Variants in THSD7B observed in about 807,000 individuals in gnomAD.
THSD7B encodes thrombospondin type-1 domain-containing protein 7B.
A neutral mutation model predicts 213.6 loss-of-function variants in THSD7B; 138 were observed. The ratio of observed to expected loss-of-function variants is 0.65; its 90% CI spans 0.56 to 0.74. The LOEUF (loss-of-function observed/expected upper bound fraction) is 0.74. Among genes scored for constraint, THSD7B ranks in the 30% least tolerant of loss-of-function variants. THSD7B has a pLI of 0.00. For synonymous variants in THSD7B, 742 were observed against 687.0 expected (o/e 1.08, Z -1.25); for missense variants, 1,931 against 1,991.5 (o/e 0.97, Z 0.58).
At chr2:137,075,624 G>T (rs1687604827) in intron 3 of THSD7B, among the ~76,000 whole-genome samples, 1 of 152,162 alleles carries the variant, frequency 6.6e-6, no homozygotes, top group Non-Finnish European at 1.5e-5. Context: ...TTCTGTTGGT[G>T]GTGAGGAGCT....
At chr2:137,465,273 C>A (rs2105085244) in intron 15 of THSD7B, among the ~76,000 whole-genome samples, 1 of 151,820 alleles carries the variant, frequency 6.6e-6, no homozygotes, top group East Asian at 1.9e-4. Context: ...GAGTACCTGG[C>A]TGAACATAAC....
intron 12 of THSD7B, among the ~76,000 whole-genome samples, chr2:137,317,023 A>T (rs189186964): frequency 4.6e-4 from 70 of 152,352 alleles, no homozygotes; most frequent in African/African-American, 1.6e-3. Context: ...TTTAGAGTAT[A>T]AATAGAAGTC....
At chr2:137,399,906 T>A (rs1574007300) in intron 12 of THSD7B, among the ~76,000 whole-genome samples, 2 of 152,184 alleles carry the variant, frequency 1.3e-5, no homozygotes, top group Non-Finnish European at 2.9e-5. Context: ...CTTTTCTCTT[T>A]ATTTTTGTCT....
At chr2:137,044,765 T>G (rs1447381512) in intron 2 of THSD7B, among the ~76,000 whole-genome samples, 1 of 152,142 alleles carries the variant, frequency 6.6e-6, no homozygotes, top group Non-Finnish European at 1.5e-5. Flanking sequence ...GATCCTAAAA[T>G]TAACAAGGAT....
At chr2:136,986,429 A>G (rs1235068628) in intron 2 of THSD7B, among the ~76,000 whole-genome samples, 1 of 152,048 alleles carries the variant, frequency 6.6e-6, no homozygotes, top group African/African-American at 2.4e-5. Context: ...ATGACCATCC[A>G]TTCTCCCTTT....
chr2:137,120,195 G>A (rs1483950307), intron 5 of THSD7B, among the ~76,000 whole-genome samples: 6 of 152,074 alleles, frequency 3.9e-5, no homozygotes, highest in African/African-American at 1.2e-4. Flanking sequence ...AGAGAGATAA[G>A]GTTCTTGGCT....
intron 2 of THSD7B, among the ~76,000 whole-genome samples, chr2:136,942,268 AG>A (rs1406879594): frequency 1.3e-5 from 2 of 152,170 alleles, no homozygotes; most frequent in Non-Finnish European, 1.5e-5. Context: ...TATAATTTGA[AG>A]TCAGGTAGCA....
chr2:136,910,799 A>C (rs1573705309), intron 2 of THSD7B, among the ~76,000 whole-genome samples: 1 of 152,172 alleles, frequency 6.6e-6, no homozygotes, highest in East Asian at 1.9e-4. Flanking sequence ...TAACGATATA[A>C]TGATATATTT....
intron 12 of THSD7B, among the ~76,000 whole-genome samples, chr2:137,304,028 C>A (rs1341798998): frequency 6.6e-6 from 1 of 151,460 alleles, no homozygotes; most frequent in African/African-American, 2.4e-5. Context: ...CATTGCTCAA[C>A]TCCCACTTAT....
chr2:136,955,752 T>C (rs555025106), intron 2 of THSD7B, among the ~76,000 whole-genome samples: 77 of 152,210 alleles, frequency 5.1e-4, no homozygotes, highest in Middle Eastern at 6.8e-3. Context: ...ATAGAAACTA[T>C]ATGTTTTCTC....
intron 1 of THSD7B, among the ~76,000 whole-genome samples, chr2:136,784,679 T>C (rs532535410): frequency 2.0e-5 from 3 of 152,342 alleles, no homozygotes; most frequent in Admixed American, 1.3e-4. Flanking sequence ...AGGTGTTATA[T>C]ACAAGATACT....
intron 14 of THSD7B, among the ~76,000 whole-genome samples, chr2:137,449,416 TCA>T (rs951923455): frequency 1.7e-4 from 26 of 152,360 alleles, no homozygotes; most frequent in African/African-American, 5.8e-4. Context: ...CTTTATTATC[TCA>T]CAGTTTGCAT....
intron 16 of THSD7B, among the ~76,000 whole-genome samples, chr2:137,568,207 C>T (rs919818221): frequency 1.5e-4 from 23 of 151,620 alleles, no homozygotes; most frequent in Admixed American, 5.9e-4. Flanking sequence ...ATTGGGGAGG[C>T]GGGAGGAGAG....
intron 10 of THSD7B, among the ~76,000 whole-genome samples, chr2:137,256,704 A>C (rs1682318894): frequency 6.6e-6 from 1 of 152,220 alleles, no homozygotes; most frequent in Non-Finnish European, 1.5e-5. Flanking sequence ...TAGAAAAAGA[A>C]AATAGTATAG....
intron 14 of THSD7B, among the ~76,000 whole-genome samples, chr2:137,415,724 A>T (rs866961053): frequency 1.7e-4 from 23 of 138,652 alleles, no homozygotes; most frequent in African/African-American, 6.2e-4. Context: ...CTAGCATGCC[A>T]ATACACTGAG....
At chr2:136,991,003 T>TATTCACCTGTGCCA in intron 2 of THSD7B, 1 of 1,211,066 alleles carries the variant, frequency 8.3e-7, no homozygotes, top group Non-Finnish European at 1.1e-6. Flanking sequence ...CTGGCACAGG[T>TATTCACCTGTGCCA]GAATACCTGT....
intron 10 of THSD7B, among the ~76,000 whole-genome samples, chr2:137,250,622 G>A (rs1465381631): frequency 6.6e-6 from 1 of 152,150 alleles, no homozygotes; most frequent in Non-Finnish European, 1.5e-5. Flanking sequence ...TGCGTTTCAG[G>A]CTGTGTGCTA....
intron 3 of THSD7B, among the ~76,000 whole-genome samples, chr2:137,081,811 T>C (rs1176117701): frequency 6.6e-6 from 1 of 152,150 alleles, no homozygotes; most frequent in African/African-American, 2.4e-5. Flanking sequence ...ATGAATAAGG[T>C]TTCTATTTCC....
intron 4 of THSD7B, among the ~76,000 whole-genome samples, chr2:137,101,237 C>G (rs1323395636): frequency 6.6e-6 from 1 of 151,960 alleles, no homozygotes; most frequent in Non-Finnish European, 1.5e-5. Context: ...GAGGTTTCAT[C>G]ATGTTGTCCA....
Sources: allele counts gnomAD v4.1 joint callset (sites outside exome capture counted in the v4.1 genomes callset), GRCh38; gene constraint gnomAD v4.1.1; transcripts MANE v1.5; gene names NCBI Gene and HGNC (gene_info 2026-07-23, HGNC 2026-07-21).